The following SNX7 variants were observed in gnomAD, a reference collection of about 807,000 sequenced individuals.
SNX7 encodes sorting nexin-7.
A neutral mutation model predicts 48.4 loss-of-function variants in SNX7; 35 were observed. The ratio of observed to expected loss-of-function variants is 0.72; its 90% CI spans 0.55 to 0.96. The LOEUF (loss-of-function observed/expected upper bound fraction) is 0.96, where lower values mean the gene tolerates loss of function less well. Among genes scored for constraint, SNX7 ranks in the 40% least tolerant of loss-of-function variants. The pLI, the probability that SNX7 is intolerant of heterozygous loss-of-function variation, is 0.00. For synonymous variants in SNX7, 190 were observed against 190.2 expected (o/e 1.00, Z 0.01); for missense variants, 553 against 548.9 (o/e 1.01, Z -0.07).
chr1:98,730,928 C>T (rs1395103573), intron 7 of SNX7, among the ~76,000 whole-genome samples: 4 of 152,216 alleles, frequency 2.6e-5, no homozygotes, highest in African/African-American at 9.6e-5. Context: ...ACCACATGTT[C>T]CCACTTATAA....
chr1:98,722,972 A>G (rs61223551), intron 7 of SNX7, among the ~76,000 whole-genome samples: 48 of 152,294 alleles, frequency 3.2e-4, no homozygotes, highest in East Asian at 1.2e-3. Context: ...CACCCATTCA[A>G]TCTACACATA....
At chr1:98,735,934 G>A (rs1653756611) in intron 7 of SNX7, among the ~76,000 whole-genome samples, 1 of 152,114 alleles carries the variant, frequency 6.6e-6, no homozygotes, top group South Asian at 2.1e-4. Flanking sequence ...GCAGGTGACA[G>A]TGAGGGCAAA....
At chr1:98,662,603 A>T in intron 1 of SNX7, 1 of 1,106,184 alleles carries the variant, frequency 9.0e-7, no homozygotes, top group South Asian at 1.5e-5. Context: ...AGGGAAATTG[A>T]CTTGTGGGGG....
chr1:98,757,990 C>G (rs1479106951), intron 8 of SNX7, among the ~76,000 whole-genome samples: 2 of 152,050 alleles, frequency 1.3e-5, no homozygotes, highest in South Asian at 4.1e-4. Context: ...TTACTCCCAT[C>G]ATGTCCTGTA....
chr1:98,720,853 G>A (rs1345544333), intron 7 of SNX7, among the ~76,000 whole-genome samples: 1 of 151,946 alleles, frequency 6.6e-6, no homozygotes, highest in Admixed American at 6.6e-5. Context: ...AATCAAAGAA[G>A]GGAGATCATT....
chr1:98,673,020 T>C (rs1037066874), intron 1 of SNX7, among the ~76,000 whole-genome samples: 3 of 151,550 alleles, frequency 2.0e-5, no homozygotes, highest in Admixed American at 2.0e-4. Flanking sequence ...TCCAATTGGC[T>C]AATGCTCATG....
chr1:98,738,638 T>C (rs1653916906), intron 8 of SNX7, among the ~76,000 whole-genome samples: 1 of 152,232 alleles, frequency 6.6e-6, no homozygotes, highest in South Asian at 2.1e-4. Flanking sequence ...TCCTCTTTCC[T>C]CTCCCTTCTC....
intron 2 of SNX7, 58 bp from the exon 3 acceptor site, chr1:98,691,017 A>T (rs1024419238): frequency 2.8e-6 from 3 of 1,075,466 alleles, no homozygotes; most frequent in African/African-American, 1.6e-5. Flanking sequence ...AAATAACGTT[A>T]GGCAAATACC....
chr1:98,664,674 G>A (rs1305183783), intron 1 of SNX7, among the ~76,000 whole-genome samples: 3 of 152,244 alleles, frequency 2.0e-5, no homozygotes, highest in South Asian at 2.1e-4. Context: ...TACTCCAGGT[G>A]GGAAGATGTG....
Position 98,695,553 on chromosome 1 carries a change from GC to G in SNX7, c.676del (p.Leu226Ter), listed in dbSNP as rs1252640798. 4 of 1,614,114 alleles carry G rather than the reference GC, an allele frequency of 2.5e-6. No individual in the cohort carries two copies. Among genetic ancestry groups the G allele is most frequent in the African/African-American group, 1.3e-5 (1 of 75,024 alleles). ...CTCACAAGAAGCAAGGTCCTGGCTT[GC>G]TAAGCAGGATGGGGCAAACCGTCAG... ...SSHKKQGPGL[L>X]SRMGQTVRAV... On this transcript the variant is annotated frameshift_variant, in exon 5 of 9. Transcript: ENST00000306121. LOFTEE classifies it high-confidence loss of function.
chr1:98,670,310 A>G (rs1200019800), intron 1 of SNX7, among the ~76,000 whole-genome samples: 1 of 152,250 alleles, frequency 6.6e-6, no homozygotes, highest in Admixed American at 6.5e-5. Flanking sequence ...TATTAATACT[A>G]TAATAGCACC....
chr1:98,734,779 G>A (rs984765857), intron 7 of SNX7, among the ~76,000 whole-genome samples: 10 of 152,002 alleles, frequency 6.6e-5, no homozygotes, highest in Admixed American at 5.9e-4. Flanking sequence ...TTAGTCTTAC[G>A]ATTAAATATA....
intron 2 of SNX7, among the ~76,000 whole-genome samples, chr1:98,685,784 T>C (rs1356150139): frequency 6.6e-6 from 1 of 152,192 alleles, no homozygotes; most frequent in African/African-American, 2.4e-5. Context: ...ACTATGTTTC[T>C]ATAATCACTT....
chr1:98,677,031 A>G (rs1023385145), intron 1 of SNX7, among the ~76,000 whole-genome samples: 19 of 152,330 alleles, frequency 1.2e-4, no homozygotes, highest in African/African-American at 4.1e-4. Flanking sequence ...ATAACAACAG[A>G]CAAAACTTTT....
intron 8 of SNX7, among the ~76,000 whole-genome samples, chr1:98,738,981 T>G (rs1653934495): frequency 6.6e-6 from 1 of 152,066 alleles, no homozygotes; most frequent in Non-Finnish European, 1.5e-5. Context: ...ATATATGAAA[T>G]TATTACATTA....
At chr1:98,675,780 T>C (rs1243457479) in intron 1 of SNX7, among the ~76,000 whole-genome samples, 1 of 152,194 alleles carries the variant, frequency 6.6e-6, no homozygotes, top group Non-Finnish European at 1.5e-5. Flanking sequence ...AGCTCTAAAT[T>C]CTGGTTTTAA....
chr1:98,677,842 C>A (rs1650252151), intron 1 of SNX7, among the ~76,000 whole-genome samples: 1 of 148,774 alleles, frequency 6.7e-6, no homozygotes, highest in African/African-American at 2.5e-5. Flanking sequence ...CGCACCACTG[C>A]ACTCCAGCCT....
At chr1:98,682,613 T>G (rs1021666764) in intron 1 of SNX7, among the ~76,000 whole-genome samples, 1 of 152,224 alleles carries the variant, frequency 6.6e-6, no homozygotes, top group Admixed American at 6.5e-5. Flanking sequence ...TCATGTAGTT[T>G]CCAGCATCAC....
intron 5 of SNX7, 70 bp downstream of exon 5, chr1:98,695,786 T>A: frequency 1.8e-6 from 2 of 1,100,686 alleles, no homozygotes; most frequent in Non-Finnish European, 2.8e-6. Flanking sequence ...TTTGTTGGTG[T>A]AATATAGCAA....
Sources: gnomAD v4.1 joint callset for allele counts (sites outside exome capture counted in the v4.1 genomes callset) on GRCh38, gnomAD v4.1.1 for gene constraint, MANE v1.5 for transcripts, NCBI Gene and HGNC (gene_info 2026-07-23, HGNC 2026-07-21) for gene names.